Variants in HACD4 observed in about 807,000 individuals in gnomAD.
The protein encoded by HACD4 is very-long-chain (3R)-3-hydroxyacyl-CoA dehydratase 4.
A neutral mutation model predicts 33.3 loss-of-function variants in HACD4; 35 were observed. The ratio of observed to expected loss-of-function variants is 1.05; its 90% CI spans 0.80 to 1.39. HACD4 has a LOEUF of 1.39. Ranked by LOEUF, HACD4 falls within the 40% of genes most tolerant of loss-of-function variation. HACD4 has a pLI of 0.00. For synonymous variants in HACD4, 118 were observed against 98.0 expected (o/e 1.20, Z -1.21); for missense variants, 323 against 276.5 (o/e 1.17, Z -1.19).
At position 21,001,455 on chromosome 9, in the gene HACD4, A is replaced by G. The variant is rs1015539814; in HGVS notation, c.*5582T>C. 19 of 152,080 alleles carry G rather than the reference A, an allele frequency of 1.2e-4. No individual in the cohort carries two copies. The highest frequency in any genetic ancestry group is 4.3e-4 in the African/African-American group (18 of 41,438). 9.4% of individuals were successfully genotyped at this position (152,080 alleles called of 1,614,324 possible). On this transcript the variant is annotated 3_prime_UTR_variant, in exon 7 of 7. Transcript: ENST00000495827. ...TCTGTGGGACCCATCAAGCAGACCA[A>G]CATACACATTGTGAGGATCCCAGAA...
chr9:21,022,362 CA>C (rs1184436620), intron 3 of HACD4, among the ~76,000 whole-genome samples: 1 of 152,074 alleles, frequency 6.6e-6, no homozygotes, highest in African/African-American at 2.4e-5. Flanking sequence ...CAACAAAAGC[CA>C]AAATTGACAA....
At chr9:21,029,269 A>G in intron 2 of HACD4, 26 bp downstream of exon 2, 1 of 1,329,952 alleles carries the variant, frequency 7.5e-7, no homozygotes, top group South Asian at 1.2e-5. Flanking sequence ...AAAGTTAAAA[A>G]TAAAAAAACT....
intron 5 of HACD4, among the ~76,000 whole-genome samples, chr9:21,008,435 C>G (rs72705909): frequency 3.3e-5 from 5 of 152,212 alleles, no homozygotes; most frequent in Non-Finnish European, 5.9e-5. Flanking sequence ...ATACATTTGT[C>G]CACCTAGCCA....
rs1842265089 is a variant in HACD4, at chr9:21,006,225, A to G, written c.*812T>C. The G allele has an allele frequency of 6.6e-6, 1 of 152,124 alleles. No homozygotes were observed. Among genetic ancestry groups the G allele is most frequent in the African/African-American group, 2.4e-5 (1 of 41,412 alleles). 9.4% of individuals were successfully genotyped at this position (152,124 alleles called of 1,614,324 possible). ...TATGATGGTATTTGGAGGTGGGGCC[A>G]TTGGGAGGTAATTAGATCATGAGGG... On this transcript the variant is annotated 3_prime_UTR_variant, in exon 7 of 7. Coordinates refer to ENST00000495827, the MANE Select transcript of HACD4 (RefSeq NM_001010915.5). The surrounding 1 kb of genome is among the most constrained non-coding windows in gnomAD (Gnocchi z 4.6).
chr9:21,027,833 A>G (rs1818102249), intron 2 of HACD4, among the ~76,000 whole-genome samples: 1 of 152,206 alleles, frequency 6.6e-6, no homozygotes, highest in African/African-American at 2.4e-5. Flanking sequence ...CAGGATAATA[A>G]CTGAGAAAGA....
At chr9:21,022,905 A>C (rs10811452) in intron 3 of HACD4, among the ~76,000 whole-genome samples, 91,236 of 151,246 alleles carry the variant, frequency 0.6, 28,206 homozygotes, top group South Asian at 0.69. Flanking sequence ...GCTGCTATAA[A>C]GACACATGCA....
intron 5 of HACD4, among the ~76,000 whole-genome samples, chr9:21,008,766 T>C (rs1842336909): frequency 6.6e-6 from 1 of 152,106 alleles, no homozygotes; most frequent in African/African-American, 2.4e-5. Context: ...ATAGATATTT[T>C]TGGTAACATT....
At chr9:21,013,047 A>G (rs1842473603) in intron 4 of HACD4, among the ~76,000 whole-genome samples, 1 of 148,692 alleles carries the variant, frequency 6.7e-6, no homozygotes, top group Non-Finnish European at 1.5e-5. Flanking sequence ...AGCCTGGGTG[A>G]GAGAGCAAGA....
Position 21,012,935 on chromosome 9 carries a change from C to T in HACD4, c.384-1240G>A, listed in dbSNP as rs148470416. Among the ~76,000 whole-genome samples the T allele has an allele frequency of 2.3e-3, 344 of 152,026 alleles. 9 individuals carry two copies. The East Asian group carries it at 0.044, about 19-fold the overall frequency. Reference sequence around the variant, plus strand: ...TACAAAAATTAGCCGGGCGTGGTGGCGGGTGCCTGTAATCCCAGCTACTCA... The same window carrying T: ...TACAAAAATTAGCCGGGCGTGGTGGTGGGTGCCTGTAATCCCAGCTACTCA... On this transcript the variant is annotated intron_variant, in intron 4 of 6. Transcript: ENST00000495827.
Position 21,006,929 on chromosome 9 carries a change from A to AT in HACD4, c.*107dup. On this transcript the variant is annotated 3_prime_UTR_variant, in exon 7 of 7. Transcript: ENST00000495827. This position sits in a 1 kb window ranked among gnomAD's most constrained non-coding sequence, Gnocchi z 4.6. ...TATGTGCAGTTATTTCATGTAATGG[A>AT]TTTTTATCAAATACAAGGTATTTTT... is the stretch of plus-strand genomic sequence containing the variant. 1 of 753,750 alleles carries AT rather than the reference A, an allele frequency of 1.3e-6. No individual in the cohort carries two copies. The highest frequency in any genetic ancestry group is 1.4e-5 in the South Asian group (1 of 70,046). The allele number at this position is 753,750 out of a possible 1,614,324, so 46.7% of individuals were successfully genotyped here.
rs1300463507 is a variant in HACD4 at position 21,003,133 on chromosome 9, A to G, written c.*3904T>C. 5 of 152,192 alleles carry G rather than the reference A, an allele frequency of 3.3e-5. 1 individual carries two copies. Among genetic ancestry groups the G allele is most frequent in the African/African-American group, 9.6e-5 (4 of 41,462 alleles). 9.4% of individuals were successfully genotyped at this position (152,192 alleles called of 1,614,324 possible). A position where few individuals can be genotyped will look rare whatever the true frequency, so the allele number is the denominator to read the frequency against. On this transcript the variant is annotated 3_prime_UTR_variant, in exon 7 of 7. Transcript: ENST00000495827. ...AAATGTAAGATCTTTTTATGTTACAATTGTTGCAGATATCTCAAATTACTG... is the reference window on the plus strand; with the variant it reads ...AAATGTAAGATCTTTTTATGTTACAGTTGTTGCAGATATCTCAAATTACTG...
Position 21,006,923 on chromosome 9 carries a change from T to C in HACD4, c.*114A>G. On this transcript the variant is annotated 3_prime_UTR_variant, in exon 7 of 7. Coordinates refer to ENST00000495827, the MANE Select transcript of HACD4 (RefSeq NM_001010915.5). The surrounding 1 kb of genome is among the most constrained non-coding windows in gnomAD (Gnocchi z 4.6). Reference sequence around the variant, plus strand: ...TGGGGGTATGTGCAGTTATTTCATGTAATGGATTTTTATCAAATACAAGGT... The same window carrying C: ...TGGGGGTATGTGCAGTTATTTCATGCAATGGATTTTTATCAAATACAAGGT... The C allele has an allele frequency of 2.7e-6, 2 of 736,764 alleles. No individual in the cohort carries two copies. The highest frequency in any genetic ancestry group is 2.9e-5 in the South Asian group (2 of 69,142). 45.6% of individuals were successfully genotyped at this position (736,764 alleles called of 1,614,324 possible).
Sources: gnomAD v4.1 joint callset for allele counts (sites outside exome capture counted in the v4.1 genomes callset) on GRCh38, gnomAD v4.1.1 for gene constraint, Gnocchi (gnomAD v3.1) non-coding constraint, MANE v1.5 for transcripts, NCBI Gene and HGNC (gene_info 2026-07-23, HGNC 2026-07-21) for gene names.